Variants in FBXO24 observed in about 807,000 individuals in gnomAD.
FBXO24 encodes the protein F-box only protein 24.
FBXO24 carries 30 observed loss-of-function variants against 63.5 expected under a neutral mutation model. That is an observed-to-expected ratio of 0.47 (90% CI 0.35 to 0.64). The LOEUF is 0.64. Among genes scored for constraint, FBXO24 ranks in the 30% least tolerant of loss-of-function variants. The pLI, the probability that FBXO24 is intolerant of heterozygous loss-of-function variation, is 0.00. For synonymous variants in FBXO24, 300 were observed against 305.0 expected (o/e 0.98, Z 0.17); for missense variants, 624 against 763.4 (o/e 0.82, Z 2.15).
rs572551106 is a variant in FBXO24 at position 100,593,618 on chromosome 7, C to T, written c.793+601C>T. On this transcript the variant is annotated intron_variant, in intron 5 of 9. Transcript: ENST00000241071. ...ACTCCAGCCTGGTGACAGAGCGAGACTCCGTCTCAAAAAAAAAAAAAAAAA... is the reference window on the plus strand; with the variant it reads ...ACTCCAGCCTGGTGACAGAGCGAGATTCCGTCTCAAAAAAAAAAAAAAAAA... Among the ~76,000 whole-genome samples, 486 of 139,268 alleles carry T rather than the reference C, an allele frequency of 3.5e-3. 3 individuals carry two copies. Among genetic ancestry groups the T allele is most frequent in the African/African-American group, 0.013 (462 of 36,598 alleles). 91.4% of individuals were successfully genotyped at this position (139,268 alleles called of 152,430 possible).
intron 8 of FBXO24, 46 bp from the exon 9 acceptor site, chr7:100,599,985 G>GCCCC: frequency 1.2e-6 from 1 of 845,218 alleles, no homozygotes; most frequent in Non-Finnish European, 1.9e-6. Context: ...CAGCCCCCCC[G>GCCCC]TCCCTTGGTG....
Position 100,591,813 on chromosome 7 carries a change from T to C in FBXO24, c.469T>C (p.Phe157Leu), listed in dbSNP as rs1802045062. The change falls in exon 4 of 10, where the codon TTC becomes CTC. Residue 157 changes from phenylalanine to leucine, a missense_variant. By Grantham distance (22) the Phe-to-Leu change is conservative. Coordinates refer to ENST00000241071, the MANE Select transcript of FBXO24 (RefSeq NM_033506.3). ...FILDYVGTLF[F>L]LKNALVSTLG... ...TCTTGACTACGTGGGGACCCTCTTCTTCCTCAAAAATGCCCTGGTCTCCAC... is the reference window on the plus strand; with the variant it reads ...TCTTGACTACGTGGGGACCCTCTTCCTCCTCAAAAATGCCCTGGTCTCCAC... The C allele has an allele frequency of 1.9e-6, 3 of 1,614,224 alleles. No homozygotes were observed. Among genetic ancestry groups the C allele is most frequent in the Non-Finnish European group, 2.5e-6 (3 of 1,180,032 alleles).
chr7:100,594,473 C>T lies in FBXO24; in HGVS notation c.884C>T (p.Ser295Phe), dbSNP rs1319057533. 1.9e-6 allele frequency: 3 copies of T among 1,613,670 alleles called. No homozygotes were observed. The South Asian group carries it at 3.3e-5, about 18-fold the overall frequency. Residue 295 changes from serine (S) to phenylalanine (F), a missense_variant, in exon 6 of 10, where the codon TCC (serine) becomes TTC (phenylalanine). By Grantham distance (155) the Ser-to-Phe change is radical. Coordinates refer to ENST00000241071, the MANE Select transcript of FBXO24 (RefSeq NM_033506.3). This position sits in a 1 kb window ranked among gnomAD's most constrained non-coding sequence, Gnocchi z 4.2. ...GTTCAGCTGGCCCTGAGGAAGGTGT[C>T]CCACTACCTGCCTCACCTGCGCGTG... ...YTVQLALRKV[S>F]HYLPHLRVAC...
In FBXO24 at chr7:100,594,591, C is replaced by G. The variant is rs775945040; in HGVS notation, c.952+50C>G. The G allele has an allele frequency of 3.4e-6, 5 of 1,471,240 alleles. No individual in the cohort carries two copies. Among genetic ancestry groups the G allele is most frequent in the Non-Finnish European group, 4.5e-6 (5 of 1,109,442 alleles). 91.1% of individuals were successfully genotyped at this position (1,471,240 alleles called of 1,614,324 possible). A position where few individuals can be genotyped will look rare whatever the true frequency, so the allele number is the denominator to read the frequency against. On this transcript the variant is annotated intron_variant, in intron 6 of 9. Transcript: ENST00000241071. This position sits in a 1 kb window ranked among gnomAD's most constrained non-coding sequence, Gnocchi z 4.2. ...AAGCCCGCAGCCTTGGTTAGACCCT[C>G]TAAACATCAACACCCTTCACCCTTA... is the stretch of plus-strand genomic sequence containing the variant.
chr7:100,586,739 T>G, intron 1 of FBXO24, 75 bp downstream of exon 1: 1 of 1,546,224 alleles, frequency 6.5e-7, no homozygotes, highest in East Asian at 2.2e-5. Flanking sequence ...AGTTCGCCGC[T>G]GCAGTGGCGA....
chr7:100,593,020 G>A lies in FBXO24; in HGVS notation c.793+3G>A, dbSNP rs756103496. Reference sequence around the variant, plus strand: ...GCGGGCTCTACTGCTCCTCACAGGTGTGGCCCAAAGCAATGGCTTTTGCAA... The same window carrying A: ...GCGGGCTCTACTGCTCCTCACAGGTATGGCCCAAAGCAATGGCTTTTGCAA... On this transcript the variant is annotated splice_donor_region_variant and intron_variant, in intron 5 of 9. Transcript: ENST00000241071. 5.0e-6 allele frequency: 8 copies of A among 1,613,204 alleles called. No homozygotes were observed. In the Admixed American group the frequency reaches 8.3e-5, roughly 17 times the overall value.
rs370324631 is a variant in FBXO24 at position 100,592,808 on chromosome 7, C to T, written c.584C>T (p.Thr195Ile). ...TTTGCCTCGGACCCAAGGTGTGACACAGTTTACCGTAAATACCTCTACGTC... is the reference window on the plus strand; with the variant it reads ...TTTGCCTCGGACCCAAGGTGTGACATAGTTTACCGTAAATACCTCTACGTC... ...KDFASDPRCD[T>I]VYRKYLYVLA... Residue 195 changes from threonine (T) to isoleucine (I), a missense_variant, in exon 5 of 10, where the codon ACA becomes ATA. Thr to Ile is a moderately conservative substitution (Grantham distance 89). Around this residue, in one of 3 missense-constraint regions of FBXO24, gnomAD observed 391 missense variants for 469.1 expected, o/e 0.83. Transcript: ENST00000241071. 1 of 1,614,032 alleles carries T rather than the reference C, an allele frequency of 6.2e-7. No individual in the cohort carries two copies. The highest frequency in any genetic ancestry group is 8.5e-7 in the Non-Finnish European group (1 of 1,180,026).
In FBXO24 at chr7:100,594,271, C is replaced by A; in HGVS notation, c.794-112C>A. 2 of 1,201,084 alleles carry A rather than the reference C, an allele frequency of 1.7e-6. No individual in the cohort carries two copies. Among genetic ancestry groups the A allele is most frequent in the Non-Finnish European group, 2.3e-6 (2 of 869,224 alleles). 74.4% of individuals were successfully genotyped at this position (1,201,084 alleles called of 1,614,324 possible). A position where few individuals can be genotyped will look rare whatever the true frequency, so the allele number is the denominator to read the frequency against. ...CACTCTTCCCTTATTTCTTTCTCAGCCCCACTCTAGGGCAGTAAATGTGTC... is the reference window on the plus strand; with the variant it reads ...CACTCTTCCCTTATTTCTTTCTCAGACCCACTCTAGGGCAGTAAATGTGTC... On this transcript the variant is annotated intron_variant, in intron 5 of 9. Coordinates refer to ENST00000241071, the MANE Select transcript of FBXO24 (RefSeq NM_033506.3). This position sits in a 1 kb window ranked among gnomAD's most constrained non-coding sequence, Gnocchi z 4.2.
Position 100,586,508 on chromosome 7 carries a change from C to A in FBXO24, c.-118C>A. 5.4e-6 allele frequency: 6 copies of A among 1,113,554 alleles called. No individual in the cohort carries two copies. The highest frequency in any genetic ancestry group is 6.8e-6 in the Non-Finnish European group (5 of 740,340). 69.0% of individuals were successfully genotyped at this position (1,113,554 alleles called of 1,614,324 possible). On this transcript the variant is annotated 5_prime_UTR_variant, in exon 1 of 10. Coordinates refer to ENST00000241071, the MANE Select transcript of FBXO24 (RefSeq NM_033506.3). ...AGCAGGGGGTGCCTAGTCCTCGTCCCCCAAAGACCAATCGTAAGCCAGATA... is the reference window on the plus strand; with the variant it reads ...AGCAGGGGGTGCCTAGTCCTCGTCCACCAAAGACCAATCGTAAGCCAGATA...
At chr7:100,587,610 T>C (rs1801819490) in intron 1 of FBXO24, among the ~76,000 whole-genome samples, 1 of 139,206 alleles carries the variant, frequency 7.2e-6, no homozygotes. Flanking sequence ...GCCTTTTTTT[T>C]TTTTTTTTTA....
In FBXO24 at chr7:100,586,722, G is replaced by A. The variant is rs771566397; in HGVS notation, c.39+58G>A. 1.9e-5 allele frequency: 31 copies of A among 1,597,960 alleles called. No homozygotes were observed. In the Admixed American group the frequency reaches 2.3e-4, roughly 12 times the overall value. On this transcript the variant is annotated intron_variant, in intron 1 of 9. Coordinates refer to ENST00000241071, the MANE Select transcript of FBXO24 (RefSeq NM_033506.3). ...TGAACGCGGAGCCCCTGGCCGGCCG[G>A]GAACGCAGTTCGCCGCTGCAGTGGC...
At chr7:100,591,525 T>A in intron 3 of FBXO24, 142 bp from the exon 4 acceptor site, 1 of 685,088 alleles carries the variant, frequency 1.5e-6, no homozygotes, top group Non-Finnish European at 2.5e-6. Flanking sequence ...CACATCTCCT[T>A]CATAAGGGGT....
At position 100,599,905 on chromosome 7, in the gene FBXO24, A is replaced by G. The variant is rs1802502764; in HGVS notation, c.1207-126A>G. ...GCAGGGCAGACCTGGGGCGTGGGAC[A>G]GTGCTGGCTCCCATTTCCTCCTCCC... On this transcript the variant is annotated intron_variant, in intron 8 of 9. Transcript: ENST00000241071. The G allele has an allele frequency of 6.6e-6, 7 of 1,067,090 alleles. No homozygotes were observed. In the Admixed American group the frequency reaches 1.5e-4, roughly 23 times the overall value. 66.1% of individuals were successfully genotyped at this position (1,067,090 alleles called of 1,614,324 possible).
At chr7:100,592,536 G>C (rs940758612) in intron 4 of FBXO24, among the ~76,000 whole-genome samples, 1 of 152,118 alleles carries the variant, frequency 6.6e-6, no homozygotes, top group African/African-American at 2.4e-5. Context: ...ATTACAATTC[G>C]AGATGAGATT....
Position 100,586,591 on chromosome 7 carries a change from C to T in FBXO24, c.-35C>T. 1 of 1,613,588 alleles carries T rather than the reference C, an allele frequency of 6.2e-7. No homozygotes were observed. Among genetic ancestry groups the T allele is most frequent in the Non-Finnish European group, 8.5e-7 (1 of 1,179,512 alleles). On this transcript the variant is annotated 5_prime_UTR_variant, in exon 1 of 10. Coordinates refer to ENST00000241071, the MANE Select transcript of FBXO24 (RefSeq NM_033506.3). ...GCCTCCGAAGGGAATCTGGACCTGC[C>T]TCTTCTCTGAGGGACGGCTCTACCT...
intron 8 of FBXO24, among the ~76,000 whole-genome samples, chr7:100,599,313 C>A (rs1414896995): frequency 6.6e-6 from 1 of 152,036 alleles, no homozygotes; most frequent in Admixed American, 6.5e-5. Flanking sequence ...GTGGTTCATG[C>A]CTGTAATCCC....
Position 100,591,792 on chromosome 7 carries a change from G to C in FBXO24, c.448G>C (p.Asp150His), listed in dbSNP as rs1310689880. The change falls in exon 4 of 10, where the codon GAC becomes CAC. Residue 150 changes from aspartate to histidine, a missense_variant. Asp to His is a moderately conservative substitution (Grantham distance 81). Around this residue, in one of 3 missense-constraint regions of FBXO24, gnomAD observed 391 missense variants for 469.1 expected, o/e 0.83. Transcript: ENST00000241071. The stretch of plus-strand genomic sequence containing the variant: ...CACCAAGGATCACGTCTTCATTCTT[G>C]ACTACGTGGGGACCCTCTTCTTCCT... ...LPTKDHVFIL[D>H]YVGTLFFLKN... 6.2e-7 allele frequency: 1 copy of C among 1,614,104 alleles called. No homozygotes were observed. Among genetic ancestry groups the C allele is most frequent in the African/African-American group, 1.3e-5 (1 of 74,936 alleles).
intron 8 of FBXO24, among the ~76,000 whole-genome samples, chr7:100,596,583 G>A (rs572729096): frequency 2.0e-5 from 3 of 152,246 alleles, no homozygotes; most frequent in South Asian, 4.2e-4. Flanking sequence ...CTTGTGCAGA[G>A]GAGGCCAAGG....
At position 100,590,092 on chromosome 7, in the gene FBXO24, G is replaced by C; in HGVS notation, c.138+17G>C. 6.2e-7 allele frequency: 1 copy of C among 1,610,970 alleles called. No homozygotes were observed. The highest frequency in any genetic ancestry group is 1.1e-5 in the South Asian group (1 of 90,740). On this transcript the variant is annotated intron_variant, in intron 2 of 9. Transcript: ENST00000241071. ...CCAGAGCTGGTGAGTCCTTGGGGAG[G>C]GGGATTGAGAATAATAGGATTGGGG... is the stretch of plus-strand genomic sequence containing the variant.
Sources: allele counts gnomAD v4.1 joint callset (sites outside exome capture counted in the v4.1 genomes callset), GRCh38; gene constraint gnomAD v4.1.1; regional missense constraint gnomAD v4.1.1; non-coding constraint Gnocchi (gnomAD v3.1); transcripts MANE v1.5; gene names NCBI Gene and HGNC (gene_info 2026-07-23, HGNC 2026-07-21).